The following HERC2 variants were observed in gnomAD, a reference collection of about 807,000 sequenced individuals.
The protein encoded by HERC2 is HECT and RLD domain containing E3 ubiquitin protein ligase 2.
Under a neutral mutation model 537.7 loss-of-function variants are expected in HERC2, and 102 were observed. That is an observed-to-expected ratio of 0.19 (90% CI 0.16 to 0.22). The LOEUF (loss-of-function observed/expected upper bound fraction) is 0.22. Among genes scored for constraint, HERC2 ranks in the 10% least tolerant of loss-of-function variants. The pLI is 1.00. For missense variants in HERC2, 4,236 were observed against 6,198.2 expected (o/e 0.68, Z 10.63); for synonymous variants, 2,224 against 2,466.2 (o/e 0.90, Z 2.91).
rs1175518080 is a variant in HERC2, at chr15:28,113,103, C to T, written c.14200G>A (p.Ala4734Thr). 6 of 1,613,422 alleles carry T rather than the reference C, an allele frequency of 3.7e-6. No individual in the cohort carries two copies. The highest frequency in any genetic ancestry group is 2.2e-5 in the East Asian group (1 of 44,874). ...WGRTRLPRTI[A>T]DFRGRDFVIQ... ...ACGAAGTCTCGGCCCCGGAAGTCGGCGATGGTCCTGGGCAGCCTCGTCCGG... is the reference window on the plus strand; with the variant it reads ...ACGAAGTCTCGGCCCCGGAAGTCGGTGATGGTCCTGGGCAGCCTCGTCCGG... Residue 4734 changes from alanine to threonine, a missense_variant, in exon 92 of 93, where the codon GCC becomes ACC. Physicochemically the swap from Ala to Thr is moderately conservative, Grantham distance 58 (BLOSUM62 0). Around this residue, in one of 27 missense-constraint regions of HERC2, gnomAD observed 313 missense variants for 462.6 expected, o/e 0.68. Coordinates refer to ENST00000261609, the MANE Select transcript of HERC2 (RefSeq NM_004667.6). This position sits in a 1 kb window ranked among gnomAD's most constrained non-coding sequence, Gnocchi z 7.0.
intron 4 of HERC2, among the ~76,000 whole-genome samples, chr15:28,283,171 T>C (rs955832979): frequency 6.6e-6 from 1 of 151,588 alleles, no homozygotes; most frequent in Non-Finnish European, 1.5e-5. Flanking sequence ...GGCTTAAAAG[T>C]TCCCAAATTT....
In HERC2 at chr15:28,168,418, C is replaced by G. The variant is rs765131748; in HGVS notation, c.10402G>C (p.Glu3468Gln). ...AGATTCGCTTTTACCTCTCTCTTTT[C>G]TTGCCATGGATTTGGACTCAGTCTG... ...EDRLSPNPWQ[E>Q]KREIVSSEDA... is the part of the protein sequence containing the mutation. Residue 3468 changes from glutamate (E) to glutamine (Q), a missense_variant, in exon 67 of 93, where the codon GAA (glutamate) becomes CAA (glutamine). Around this residue, in one of 27 missense-constraint regions of HERC2, gnomAD observed 356 missense variants for 450.9 expected, o/e 0.79. Coordinates refer to ENST00000261609, the MANE Select transcript of HERC2 (RefSeq NM_004667.6). 6.2e-7 allele frequency: 1 copy of G among 1,613,462 alleles called. No individual in the cohort carries two copies. The highest frequency in any genetic ancestry group is 1.7e-5 in the Admixed American group (1 of 59,892).
At position 28,130,561 on chromosome 15, in the gene HERC2, C is replaced by T. The variant is rs143291915; in HGVS notation, c.12604G>A (p.Val4202Met). The change falls in exon 82 of 93, where the codon GTG (valine) becomes ATG (methionine). Residue 4202 changes from valine to methionine, a missense_variant. Physicochemically the swap from Val to Met is conservative, Grantham distance 21. Coordinates refer to ENST00000261609, the MANE Select transcript of HERC2 (RefSeq NM_004667.6). Reference sequence around the variant, plus strand: ...ACAGAAAACTGGGATCCGCATTCCACTTTAACTACTCCAAGACCAGTAAGA... The same window carrying T: ...ACAGAAAACTGGGATCCGCATTCCATTTTAACTACTCCAAGACCAGTAAGA... ...DSLTGLGVVK[V>M]ECGSQFSVAL... is the part of the protein sequence containing the mutation. The T allele has an allele frequency of 3.1e-6, 5 of 1,613,924 alleles. No individual in the cohort carries two copies. The highest frequency in any genetic ancestry group is 4.2e-6 in the Non-Finnish European group (5 of 1,179,934).
intron 83 of HERC2, among the ~76,000 whole-genome samples, chr15:28,129,274 C>T (rs969838272): frequency 6.6e-5 from 10 of 152,186 alleles, no homozygotes; most frequent in South Asian, 4.1e-4. Flanking sequence ...TGTGGCAAAG[C>T]AGTGGGGGAA....
At chr15:28,166,730 GGTCCCAGTGACCAGTCCACGGGA>G (rs1487696966) in intron 68 of HERC2, among the ~76,000 whole-genome samples, 6 of 151,332 alleles carry the variant, frequency 4.0e-5, no homozygotes, top group South Asian at 2.1e-4. Context: ...CCAATGACCG[GGTCCCAGTGACCAGTCCACGGGA>G]GTCCCAGTGA....
intron 2 of HERC2, chr15:28,316,108 A>T (rs1359577442): frequency 1.3e-5 from 4 of 319,366 alleles, no homozygotes; most frequent in Non-Finnish European, 1.9e-5. Flanking sequence ...TTGGAATTCC[A>T]GCCACTTAGG....
intron 4 of HERC2, among the ~76,000 whole-genome samples, chr15:28,288,228 G>T (rs574519212): frequency 6.6e-6 from 1 of 152,232 alleles, no homozygotes; most frequent in South Asian, 2.1e-4. Flanking sequence ...GGCCCATAAT[G>T]GTAAAATGTA....
At chr15:28,308,022 C>T (rs1029933988) in intron 2 of HERC2, among the ~76,000 whole-genome samples, 11 of 151,126 alleles carry the variant, frequency 7.3e-5, no homozygotes, top group South Asian at 4.2e-4. Flanking sequence ...ATGAGAGCTT[C>T]GGCTATTCTG....
intron 44 of HERC2, among the ~76,000 whole-genome samples, 160 bp from the exon 45 acceptor site, chr15:28,206,542 C>G (rs1465888108): frequency 1.3e-5 from 2 of 151,310 alleles, no homozygotes; most frequent in Non-Finnish European, 2.9e-5. Context: ...CGAACAAAAA[C>G]TAGACTCTAG....
At chr15:28,302,842 C>T (rs933949118) in intron 2 of HERC2, among the ~76,000 whole-genome samples, 1 of 151,998 alleles carries the variant, frequency 6.6e-6, no homozygotes, top group Non-Finnish European at 1.5e-5. Flanking sequence ...TTTGCCCATT[C>T]TTATTGGATT....
chr15:28,318,159 T>G (rs2077139019), intron 2 of HERC2, among the ~76,000 whole-genome samples: 1 of 152,192 alleles, frequency 6.6e-6, no homozygotes, highest in African/African-American at 2.4e-5. Flanking sequence ...GTTCCTTTGC[T>G]TAACTGACGT....
chr15:28,230,017 A>G (rs1299308137), intron 31 of HERC2, among the ~76,000 whole-genome samples, 170 bp from the exon 32 acceptor site: 1 of 152,230 alleles, frequency 6.6e-6, no homozygotes, highest in East Asian at 1.9e-4. Context: ...GTGATTTTAT[A>G]ATCTCTATAC....
intron 19 of HERC2, 44 bp downstream of exon 19, chr15:28,255,828 G>T (rs2140893294): frequency 6.3e-7 from 1 of 1,579,806 alleles, no homozygotes; most frequent in East Asian, 2.2e-5. Flanking sequence ...TGGTATTTCT[G>T]ATCTCAGTGC....
chr15:28,311,392 G>A (rs1474749404), intron 2 of HERC2, among the ~76,000 whole-genome samples: 1 of 152,270 alleles, frequency 6.6e-6, no homozygotes, highest in African/African-American at 2.4e-5. Flanking sequence ...TGAGCCCGGG[G>A]AGGTTAAGGC....
chr15:28,120,418 C>T (rs1398240878), intron 86 of HERC2, among the ~76,000 whole-genome samples: 2 of 152,214 alleles, frequency 1.3e-5, no homozygotes, highest in African/African-American at 4.8e-5. Context: ...ATTTGTTCTT[C>T]ATGGCTCTCT....
intron 5 of HERC2, among the ~76,000 whole-genome samples, chr15:28,275,818 T>C (rs2075856395): frequency 6.6e-6 from 1 of 151,026 alleles, no homozygotes; most frequent in Non-Finnish European, 1.5e-5. Context: ...AAAATGCATA[T>C]ATAATCTCAA....
intron 20 of HERC2, among the ~76,000 whole-genome samples, chr15:28,249,697 A>G (rs994525064): frequency 6.6e-5 from 10 of 152,022 alleles, no homozygotes; most frequent in African/African-American, 2.4e-4. Flanking sequence ...GCCAGGCTGG[A>G]GTGCAGTGAC....
intron 16 of HERC2, among the ~76,000 whole-genome samples, chr15:28,258,240 C>T (rs1351794514): frequency 3.3e-5 from 5 of 151,978 alleles, no homozygotes; most frequent in African/African-American, 9.7e-5. Context: ...GAGGCCAAGG[C>T]GGCGGGGATC....
intron 2 of HERC2, among the ~76,000 whole-genome samples, chr15:28,316,589 G>C (rs2077092589): frequency 2.0e-5 from 3 of 152,160 alleles, no homozygotes; most frequent in African/African-American, 7.2e-5. Flanking sequence ...TTGTTCTATT[G>C]AGGCACCAGT....
Sources: gnomAD v4.1 joint callset for allele counts (sites outside exome capture counted in the v4.1 genomes callset) on GRCh38, gnomAD v4.1.1 for gene constraint, gnomAD v4.1.1 regional missense constraint, Gnocchi (gnomAD v3.1) non-coding constraint, MANE v1.5 for transcripts, NCBI Gene and HGNC (gene_info 2026-07-23, HGNC 2026-07-21) for gene names.